The following NALF1 variants were observed in gnomAD, a reference collection of about 807,000 sequenced individuals.
The protein encoded by NALF1 is family with sequence similarity 155 member A.
Under a neutral mutation model 48.4 loss-of-function variants are expected in NALF1, and 3 were observed. The ratio of observed to expected loss-of-function variants is 0.06; its 90% CI spans 0.03 to 0.16. The LOEUF (loss-of-function observed/expected upper bound fraction) is 0.16. NALF1 is among the 10% of genes least tolerant of loss of function. NALF1 has a pLI of 1.00. For missense variants in NALF1, 526 were observed against 571.5 expected (o/e 0.92, Z 0.81); for synonymous variants, 262 against 245.7 (o/e 1.07, Z -0.62).
intron 1 of NALF1, among the ~76,000 whole-genome samples, chr13:107,226,342 T>C (rs971513764): frequency 6.6e-6 from 1 of 152,214 alleles, no homozygotes; most frequent in Admixed American, 6.5e-5. Flanking sequence ...CCAGAAAATA[T>C]CTTTTACATT....
chr13:107,539,206 G>A lies in NALF1; in HGVS notation c.915+326476C>T, dbSNP rs538481376. ...AAGAAAATAAGCTCATTCAACTTAT[G>A]ATTCTGGAAACTGGGAAGTCCAAAA... is the stretch of plus-strand genomic sequence containing the variant. On this transcript the variant is annotated intron_variant, in intron 1 of 2. Transcript: ENST00000375915. Among the ~76,000 whole-genome samples, 17 of 151,988 alleles carry A rather than the reference G, an allele frequency of 1.1e-4. No individual in the cohort carries two copies. In the South Asian group the frequency reaches 3.1e-3, roughly 28 times the overall value.
chr13:107,533,162 C>T (rs1876694273), intron 1 of NALF1, among the ~76,000 whole-genome samples: 1 of 152,016 alleles, frequency 6.6e-6, no homozygotes, highest in Admixed American at 6.6e-5. Flanking sequence ...AGTTTTGCCC[C>T]TTTCTTTTTT....
At chr13:107,525,874 T>C (rs1335976963) in intron 1 of NALF1, among the ~76,000 whole-genome samples, 4 of 152,136 alleles carry the variant, frequency 2.6e-5, no homozygotes, top group African/African-American at 7.2e-5. Flanking sequence ...TGATTTTAAA[T>C]TGCATTTTTG....
chr13:107,515,433 T>C (rs1434336403), intron 1 of NALF1, among the ~76,000 whole-genome samples: 2 of 152,082 alleles, frequency 1.3e-5, no homozygotes, highest in African/African-American at 4.8e-5. Flanking sequence ...TTACTCCTTA[T>C]AACAACCTGT....
chr13:107,723,036 C>T lies in NALF1; in HGVS notation c.915+142646G>A, dbSNP rs527345003. Among the ~76,000 whole-genome samples the T allele has an allele frequency of 7.9e-5, 12 of 152,284 alleles. No homozygotes were observed. The South Asian group carries it at 1.5e-3, about 18-fold the overall frequency. ...CAAAACTGAAAAAATATCTTAAAAG[C>T]CATCTCGTTAGAATTCACATCCAAA... On this transcript the variant is annotated intron_variant, in intron 1 of 2. Transcript: ENST00000375915.
intron 1 of NALF1, among the ~76,000 whole-genome samples, chr13:107,655,100 G>A (rs1168058209): frequency 1.3e-5 from 2 of 152,044 alleles, no homozygotes; most frequent in African/African-American, 4.8e-5. Flanking sequence ...AGACAAGGAT[G>A]CCTACTTTCA....
chr13:107,467,150 C>A (rs909372683), intron 1 of NALF1, among the ~76,000 whole-genome samples: 4 of 151,988 alleles, frequency 2.6e-5, no homozygotes, highest in African/African-American at 9.7e-5. Flanking sequence ...TATATGAATT[C>A]TTGATCGACA....
chr13:107,540,782 G>A (rs1876977149), intron 1 of NALF1, among the ~76,000 whole-genome samples: 1 of 152,060 alleles, frequency 6.6e-6, no homozygotes, highest in African/African-American at 2.4e-5. Flanking sequence ...TGTATGTGGT[G>A]ATGTATACAT....
intron 1 of NALF1, among the ~76,000 whole-genome samples, chr13:107,658,899 T>C (rs1880654151): frequency 6.6e-6 from 1 of 152,064 alleles, no homozygotes; most frequent in African/African-American, 2.4e-5. Context: ...GTTTGTTCAG[T>C]AGGTCCCCAG....
At chr13:107,817,753 C>T (rs780133948) in intron 1 of NALF1, among the ~76,000 whole-genome samples, 3 of 152,164 alleles carry the variant, frequency 2.0e-5, no homozygotes, top group Non-Finnish European at 4.4e-5. Flanking sequence ...CCATGGTACG[C>T]TGCACTTCCC....
chr13:107,594,633 G>A (rs542717956), intron 1 of NALF1, among the ~76,000 whole-genome samples: 146 of 152,208 alleles, frequency 9.6e-4, no homozygotes, highest in Non-Finnish European at 1.7e-3. Context: ...GATAAAAATA[G>A]TGATGGCCAA....
At chr13:107,464,414 G>A (rs1022272305) in intron 1 of NALF1, among the ~76,000 whole-genome samples, 1 of 152,180 alleles carries the variant, frequency 6.6e-6, no homozygotes, top group Non-Finnish European at 1.5e-5. Flanking sequence ...TAGGGAGCTG[G>A]AAGAATGTAT....
intron 1 of NALF1, among the ~76,000 whole-genome samples, chr13:107,730,191 G>T (rs1484960026): frequency 6.6e-6 from 1 of 152,120 alleles, no homozygotes; most frequent in Non-Finnish European, 1.5e-5. Context: ...TACATTATTT[G>T]TATTATTGCT....
At chr13:107,710,129 AAGAAAAGAAAAGAGAAAAAAAGG>A (rs1340559027) in intron 1 of NALF1, among the ~76,000 whole-genome samples, 1 of 152,124 alleles carries the variant, frequency 6.6e-6, no homozygotes, top group Admixed American at 6.6e-5. Context: ...GAGAAAATAC[AAGAAAAGAAAAGAGAAAAAAAGG>A]AGAAAAGAAA....
intron 1 of NALF1, among the ~76,000 whole-genome samples, chr13:107,426,183 A>G (rs1036965079): frequency 1.3e-5 from 2 of 151,926 alleles, no homozygotes; most frequent in Non-Finnish European, 2.9e-5. Flanking sequence ...CTCACCTCCA[A>G]CTTTACTTTT....
At chr13:107,662,963 T>C (rs1880767245) in intron 1 of NALF1, among the ~76,000 whole-genome samples, 1 of 152,196 alleles carries the variant, frequency 6.6e-6, no homozygotes, top group South Asian at 2.1e-4. Flanking sequence ...ACTTGATTTT[T>C]AACTTTGATA....
intron 1 of NALF1, among the ~76,000 whole-genome samples, chr13:107,617,447 C>T (rs967017363): frequency 4.6e-5 from 7 of 152,312 alleles, no homozygotes; most frequent in Non-Finnish European, 1.5e-5. Flanking sequence ...TTCCTAGGCA[C>T]ATTATTTACT....
chr13:107,829,233 A>C, intron 1 of NALF1, among the ~76,000 whole-genome samples: 1 of 152,164 alleles, frequency 6.6e-6, no homozygotes, highest in Non-Finnish European at 1.5e-5. Context: ...ATACCCCTAC[A>C]TCCAGCTTCC....
intron 1 of NALF1, among the ~76,000 whole-genome samples, chr13:107,660,537 A>C (rs935113686): frequency 2.6e-5 from 4 of 151,968 alleles, no homozygotes; most frequent in African/African-American, 9.7e-5. Flanking sequence ...CTTACTGTTC[A>C]TATGAATGGT....
Sources: gnomAD v4.1 joint callset for allele counts (sites outside exome capture counted in the v4.1 genomes callset) on GRCh38, gnomAD v4.1.1 for gene constraint, MANE v1.5 for transcripts, NCBI Gene and HGNC (gene_info 2026-07-23, HGNC 2026-07-21) for gene names.